ELMO1: variants seen among roughly 807,000 people sequenced by gnomAD.
ELMO1 encodes engulfment and cell motility protein 1.
Under a neutral mutation model 98.9 loss-of-function variants are expected in ELMO1, and 26 were observed. The observed-to-expected ratio is 0.26, with a 90% CI of 0.19 to 0.36. The LOEUF (loss-of-function observed/expected upper bound fraction) is 0.36, where lower values mean the gene tolerates loss of function less well. Ranked by LOEUF, ELMO1 falls within the 10% of genes least tolerant of loss-of-function variation. The pLI, the probability that ELMO1 is intolerant of heterozygous loss-of-function variation, is 1.00. For synonymous variants in ELMO1, 346 were observed against 346.0 expected, an observed-to-expected ratio of 1.00 and a Z score of 0.00; for missense variants, 627 against 935.2, an observed-to-expected ratio of 0.67 and a Z score of 4.30.
intron 14 of ELMO1, among the ~76,000 whole-genome samples, chr7:37,113,233 C>T (rs1785358245): frequency 6.6e-6 from 1 of 152,236 alleles, no homozygotes; most frequent in South Asian, 2.1e-4. Context: ...TCCTGCCACT[C>T]ACTCAATCCA....
chr7:37,037,072 A>G (rs1212042632), intron 15 of ELMO1, among the ~76,000 whole-genome samples: 1 of 152,226 alleles, frequency 6.6e-6, no homozygotes. Flanking sequence ...ACAGAATAAA[A>G]GATATTCTTC....
Position 37,222,616 on chromosome 7 carries a change from T to C in ELMO1, c.779A>G (p.Gln260Arg), listed in dbSNP as rs764039144. The change falls in exon 10 of 22, where the codon CAG becomes CGG. Residue 260 changes from glutamine (Q) to arginine (R), a missense_variant and splice_region_variant. Gln to Arg is a conservative substitution (Grantham distance 43). This residue lies in a region of ELMO1 where 492 missense variants were observed against 715.6 expected (regional missense o/e 0.69). Coordinates refer to ENST00000310758, the MANE Select transcript of ELMO1 (RefSeq NM_014800.11). ...TAAGACTAAAGAAATGCAACTTACC[T>C]GCCTCCTCTCATCAGGAGCCTTCAG... is the stretch of plus-strand genomic sequence containing the variant. ...LFLKAPDERR[Q>R]EMANILAQKQ... 1 of 1,614,014 alleles carries C rather than the reference T, an allele frequency of 6.2e-7. No homozygotes were observed.
chr7:37,316,986 A>G (rs1256854446), intron 2 of ELMO1, among the ~76,000 whole-genome samples: 2 of 152,146 alleles, frequency 1.3e-5, no homozygotes, highest in Admixed American at 1.3e-4. Flanking sequence ...TCATTTGCTG[A>G]ACCCCAGTTA....
chr7:37,384,673 T>C (rs1333631988), intron 1 of ELMO1, among the ~76,000 whole-genome samples: 3 of 150,350 alleles, frequency 2.0e-5, no homozygotes, highest in Non-Finnish European at 4.4e-5. Flanking sequence ...TGAGCCGAGA[T>C]AGAGCCACTG....
intron 19 of ELMO1, among the ~76,000 whole-genome samples, chr7:36,872,879 G>T (rs1422611293): frequency 1.3e-5 from 2 of 152,108 alleles, no homozygotes; most frequent in Non-Finnish European, 2.9e-5. Flanking sequence ...ATATAGCATG[G>T]TCCATGAACT....
intron 13 of ELMO1, among the ~76,000 whole-genome samples, chr7:37,184,772 G>C (rs1791097600): frequency 6.6e-6 from 1 of 151,978 alleles, no homozygotes; most frequent in South Asian, 2.1e-4. Context: ...AATTAGCCCT[G>C]GTGTGGTGGC....
At chr7:37,008,381 A>G (rs1793296396) in intron 16 of ELMO1, among the ~76,000 whole-genome samples, 1 of 152,246 alleles carries the variant, frequency 6.6e-6, no homozygotes, top group Admixed American at 6.5e-5. Context: ...GGAGGAAGAC[A>G]CTTCCAAAAT....
chr7:37,053,268 G>A (rs532538155), intron 15 of ELMO1, among the ~76,000 whole-genome samples: 1 of 146,242 alleles, frequency 6.8e-6, no homozygotes, highest in South Asian at 2.2e-4. Context: ...ACTTTGCAGG[G>A]CATTTTCATT....
chr7:36,904,064 C>T (rs1698885779), intron 16 of ELMO1, among the ~76,000 whole-genome samples: 1 of 152,240 alleles, frequency 6.6e-6, no homozygotes, highest in Non-Finnish European at 1.5e-5. Flanking sequence ...GTGTAGGGAC[C>T]TGCTTTAGCA....
intron 16 of ELMO1, among the ~76,000 whole-genome samples, chr7:36,952,027 AGCAGGAAGCAGGGAGGATGGTCTGG>A (rs1788004010): frequency 6.6e-6 from 1 of 152,212 alleles, no homozygotes; most frequent in Non-Finnish European, 1.5e-5. Context: ...CTGGCAAGGA[AGCAGGAAGCAGGGAGGATGGTCTGG>A]GCACCAGCAG....
intron 15 of ELMO1, among the ~76,000 whole-genome samples, chr7:37,014,164 C>CTCT (rs1392285709): frequency 2.6e-5 from 4 of 151,924 alleles, no homozygotes; most frequent in African/African-American, 9.7e-5. Flanking sequence ...CTGGTCCCTA[C>CTCT]TCTCCTCCTC....
chr7:37,094,181 C>T (rs1784260132), intron 15 of ELMO1, among the ~76,000 whole-genome samples: 1 of 152,174 alleles, frequency 6.6e-6, no homozygotes, highest in Non-Finnish European at 1.5e-5. Flanking sequence ...ACTGCTTTGA[C>T]AATGCCAGGC....
At chr7:37,042,882 C>T (rs768632525) in intron 15 of ELMO1, among the ~76,000 whole-genome samples, 2 of 152,206 alleles carry the variant, frequency 1.3e-5, no homozygotes, top group African/African-American at 2.4e-5. Context: ...TGGAATATCA[C>T]TTGGATTCAG....
chr7:37,086,673 G>C (rs1382138992), intron 15 of ELMO1, among the ~76,000 whole-genome samples: 1 of 148,386 alleles, frequency 6.7e-6, no homozygotes, highest in Non-Finnish European at 1.5e-5. Context: ...AACCCAGGAG[G>C]CGGAGGTTGC....
At chr7:37,159,799 A>G (rs907550790) in intron 13 of ELMO1, among the ~76,000 whole-genome samples, 17 of 152,188 alleles carry the variant, frequency 1.1e-4, no homozygotes, top group African/African-American at 4.1e-4. Flanking sequence ...CTGTACAACA[A>G]CTACACCTGT....
chr7:37,001,177 AG>A (rs1018228973), intron 16 of ELMO1, among the ~76,000 whole-genome samples: 2 of 152,186 alleles, frequency 1.3e-5, no homozygotes, highest in African/African-American at 2.4e-5. Flanking sequence ...ATTCTGATGG[AG>A]GGGTCTAGAA....
At chr7:37,197,627 T>C (rs569001040) in intron 13 of ELMO1, among the ~76,000 whole-genome samples, 1 of 152,348 alleles carries the variant, frequency 6.6e-6, no homozygotes, top group East Asian at 1.9e-4. Context: ...GTGGAGCTGA[T>C]TGATGGCCAT....
intron 16 of ELMO1, among the ~76,000 whole-genome samples, chr7:36,980,037 G>T (rs569722718): frequency 3.0e-4 from 46 of 152,170 alleles, no homozygotes; most frequent in Non-Finnish European, 5.7e-4. Context: ...TCCTTGACAG[G>T]TCTCTCATCA....
intron 2 of ELMO1, among the ~76,000 whole-genome samples, chr7:37,331,241 C>T (rs1800088917): frequency 6.6e-6 from 1 of 150,938 alleles, no homozygotes; most frequent in African/African-American, 2.4e-5. Context: ...GCAATCTCGG[C>T]TCACTGCAAG....
Sources: gnomAD v4.1 joint callset for allele counts (sites outside exome capture counted in the v4.1 genomes callset) on GRCh38, gnomAD v4.1.1 for gene constraint, gnomAD v4.1.1 regional missense constraint, MANE v1.5 for transcripts, NCBI Gene and HGNC (gene_info 2026-07-23, HGNC 2026-07-21) for gene names.